PDE4B: variants seen among roughly 807,000 people sequenced by gnomAD.
The protein encoded by PDE4B is 3',5'-cyclic-AMP phosphodiesterase 4B.
PDE4B carries 20 observed loss-of-function variants against 82.2 expected under a neutral mutation model. The ratio of observed to expected loss-of-function variants is 0.24; its 90% CI spans 0.17 to 0.35. The LOEUF is 0.35. PDE4B is among the 10% of genes least tolerant of loss of function. The probability of loss-of-function intolerance (pLI) is 1.00; values close to 1 mark genes in which losing one functional copy is unlikely to be tolerated. For synonymous variants in PDE4B, 320 were observed against 318.9 expected (o/e 1.00, Z -0.04); for missense variants, 655 against 907.2 (o/e 0.72, Z 3.57).
intron 7 of PDE4B, among the ~76,000 whole-genome samples, chr1:66,321,755 A>C (rs1392422087): frequency 6.6e-6 from 1 of 152,232 alleles, no homozygotes; most frequent in Non-Finnish European, 1.5e-5. Flanking sequence ...GCCCAAGGTA[A>C]TTTATAGATT....
At chr1:66,070,244 A>AT (rs139871425) in intron 3 of PDE4B, among the ~76,000 whole-genome samples, 5,174 of 151,288 alleles carry the variant, frequency 0.034, 130 homozygotes, top group Non-Finnish European at 0.048. Context: ...GTCTATATGC[A>AT]TTTTTTTTTC....
intron 3 of PDE4B, among the ~76,000 whole-genome samples, chr1:66,229,350 C>T (rs1651759738): frequency 1.3e-5 from 2 of 152,286 alleles, no homozygotes; most frequent in South Asian, 4.1e-4. Context: ...CAGAACTATG[C>T]CACTTGGACA....
At chr1:66,108,829 T>C (rs1645426078) in intron 3 of PDE4B, among the ~76,000 whole-genome samples, 1 of 152,018 alleles carries the variant, frequency 6.6e-6, no homozygotes, top group African/African-American at 2.4e-5. Context: ...TTTTAAGTTA[T>C]TTTGATTCAA....
At chr1:65,825,535 T>C (rs1419820568) in intron 1 of PDE4B, among the ~76,000 whole-genome samples, 2 of 152,080 alleles carry the variant, frequency 1.3e-5, no homozygotes, top group Non-Finnish European at 2.9e-5. Flanking sequence ...CATAATTATC[T>C]CAATAATCTG....
chr1:66,303,151 C>A (rs1003011889), intron 7 of PDE4B, among the ~76,000 whole-genome samples: 1 of 152,058 alleles, frequency 6.6e-6, no homozygotes, highest in South Asian at 2.1e-4. Context: ...GAACAGTAGA[C>A]CCTGGATAAA....
intron 1 of PDE4B, among the ~76,000 whole-genome samples, chr1:65,829,129 A>G (rs1362529686): frequency 6.6e-6 from 1 of 152,208 alleles, no homozygotes; most frequent in Non-Finnish European, 1.5e-5. Flanking sequence ...GGAAAGATAT[A>G]CCATGACAAT....
chr1:66,137,959 A>C (rs1224132578), intron 3 of PDE4B, among the ~76,000 whole-genome samples: 1 of 152,192 alleles, frequency 6.6e-6, no homozygotes, highest in East Asian at 1.9e-4. Flanking sequence ...AAATGAATGT[A>C]ATTATTTTAT....
chr1:66,173,148 C>A (rs909250511), intron 3 of PDE4B, among the ~76,000 whole-genome samples: 1 of 152,176 alleles, frequency 6.6e-6, no homozygotes. Context: ...CATAAGTAAA[C>A]GAAAATCAGA....
intron 7 of PDE4B, among the ~76,000 whole-genome samples, chr1:66,296,366 G>A (rs1387881651): frequency 1.3e-5 from 2 of 152,172 alleles, no homozygotes. Flanking sequence ...AAACAAGAAA[G>A]CATACTTTTA....
chr1:65,958,052 A>G (rs185759862), intron 3 of PDE4B, among the ~76,000 whole-genome samples: 2 of 152,172 alleles, frequency 1.3e-5, no homozygotes, highest in East Asian at 3.9e-4. Context: ...AAGTGCTATT[A>G]TAGTCATGCT....
At chr1:66,125,016 G>A (rs1001332855) in intron 3 of PDE4B, among the ~76,000 whole-genome samples, 3 of 151,432 alleles carry the variant, frequency 2.0e-5, no homozygotes, top group African/African-American at 7.3e-5. Context: ...ATAGACTCTG[G>A]TCATCTGTGT....
chr1:66,283,947 A>G (rs149298394), intron 7 of PDE4B, among the ~76,000 whole-genome samples: 1 of 152,184 alleles, frequency 6.6e-6, no homozygotes, highest in Admixed American at 6.5e-5. Context: ...ATTCACCCTA[A>G]AAGCACCTGG....
At chr1:66,371,187 C>T (rs542854422) in intron 16 of PDE4B, among the ~76,000 whole-genome samples, 21 of 143,074 alleles carry the variant, frequency 1.5e-4, no homozygotes, top group Non-Finnish European at 2.7e-4. Context: ...TACAGTACAA[C>T]TTGGATGTAT....
At chr1:66,091,391 T>A (rs1162217228) in intron 3 of PDE4B, among the ~76,000 whole-genome samples, 1 of 151,960 alleles carries the variant, frequency 6.6e-6, no homozygotes, top group African/African-American at 2.4e-5. Flanking sequence ...CCAAAAAAAA[T>A]CAGGTTACTG....
chr1:65,887,145 C>G (rs1285473980), intron 1 of PDE4B, among the ~76,000 whole-genome samples: 1 of 142,596 alleles, frequency 7.0e-6, no homozygotes, highest in East Asian at 2.1e-4. Context: ...TCTCTCCCTC[C>G]TTTCCTTTCC....
At chr1:66,354,895 G>A (rs201782170) in intron 8 of PDE4B, 1 of 1,535,494 alleles carries the variant, frequency 6.5e-7, no homozygotes, top group African/African-American at 1.4e-5. Context: ...TTACATCAAG[G>A]TGGGTTAATT....
intron 3 of PDE4B, among the ~76,000 whole-genome samples, chr1:66,045,773 T>C (rs1294442100): frequency 6.6e-6 from 1 of 151,624 alleles, no homozygotes; most frequent in African/African-American, 2.4e-5. Context: ...TCTCCCACCA[T>C]GATTAAGAGT....
At position 66,065,725 on chromosome 1, in the gene PDE4B, C is replaced by A. The variant is rs1655812373; in HGVS notation, c.281+146890C>A. Among the ~76,000 whole-genome samples the A allele has an allele frequency of 2.0e-5, 3 of 151,740 alleles. No individual in the cohort carries two copies. In the South Asian group the frequency reaches 6.2e-4, roughly 32 times the overall value. ...GAGAAGGGCTAGCTTGCCTGATCAC[C>A]TAGCTAGTTAGTAGCAGAGTGAATG... On this transcript the variant is annotated intron_variant, in intron 3 of 16. Coordinates refer to ENST00000341517, the MANE Select transcript of PDE4B (RefSeq NM_002600.4).
intron 3 of PDE4B, among the ~76,000 whole-genome samples, chr1:66,089,008 A>C (rs1644957218): frequency 6.6e-6 from 1 of 152,130 alleles, no homozygotes. Flanking sequence ...GAGAATGAGA[A>C]ATAAAATGTA....
Sources: allele counts gnomAD v4.1 joint callset (sites outside exome capture counted in the v4.1 genomes callset), GRCh38; gene constraint gnomAD v4.1.1; transcripts MANE v1.5; gene names NCBI Gene and HGNC (gene_info 2026-07-23, HGNC 2026-07-21).